Variants in NBEA observed in about 807,000 individuals in gnomAD.
The protein encoded by NBEA is lysosomal-trafficking regulator 2.
Under a neutral mutation model 343.4 loss-of-function variants are expected in NBEA, and 44 were observed. The observed-to-expected ratio is 0.13, with a 90% CI of 0.10 to 0.16. NBEA has a LOEUF of 0.16. NBEA is among the 10% of genes least tolerant of loss of function. The pLI is 1.00. For missense variants in NBEA, 2,555 were observed against 3,631.3 expected, an observed-to-expected ratio of 0.70 and a Z score of 7.62; for synonymous variants, 1,175 against 1,238.7, an observed-to-expected ratio of 0.95 and a Z score of 1.08.
intron 38 of NBEA, among the ~76,000 whole-genome samples, chr13:35,387,914 G>A (rs1209490101): frequency 6.6e-6 from 1 of 152,102 alleles, no homozygotes; most frequent in Non-Finnish European, 1.5e-5. Flanking sequence ...AGGAGATATA[G>A]TAATCATCAT....
intron 41 of NBEA, among the ~76,000 whole-genome samples, chr13:35,511,665 C>T (rs772008333): frequency 1.4e-4 from 22 of 152,114 alleles, no homozygotes; most frequent in South Asian, 4.1e-4. Context: ...GTCAAATATA[C>T]TGCTATTAGT....
intron 6 of NBEA, among the ~76,000 whole-genome samples, chr13:35,051,521 G>A (rs973688078): frequency 4.0e-5 from 6 of 151,800 alleles, no homozygotes; most frequent in African/African-American, 1.5e-4. Flanking sequence ...GTCAGTTATT[G>A]TCATTTCTGT....
At chr13:35,425,754 G>T (rs1177966882) in intron 38 of NBEA, among the ~76,000 whole-genome samples, 2 of 152,178 alleles carry the variant, frequency 1.3e-5, no homozygotes, top group East Asian at 1.9e-4. Flanking sequence ...GGGTGTGAAA[G>T]TCTCCCATTA....
chr13:35,653,272 T>C (rs1001554324), intron 53 of NBEA, among the ~76,000 whole-genome samples: 8 of 151,518 alleles, frequency 5.3e-5, no homozygotes, highest in African/African-American at 1.9e-4. Flanking sequence ...AAATTGAAAA[T>C]GCTACGAAAA....
At chr13:35,657,081 A>G (rs1415829609) in intron 55 of NBEA, among the ~76,000 whole-genome samples, 1 of 152,234 alleles carries the variant, frequency 6.6e-6, no homozygotes, top group South Asian at 2.1e-4. Flanking sequence ...AAAATAGGAA[A>G]TGGCTTTGGA....
intron 48 of NBEA, among the ~76,000 whole-genome samples, chr13:35,621,677 A>G (rs911273852): frequency 5.9e-5 from 9 of 152,154 alleles, no homozygotes; most frequent in African/African-American, 1.9e-4. Flanking sequence ...GAGTGAATGA[A>G]TGAGCTTCTT....
intron 36 of NBEA, among the ~76,000 whole-genome samples, chr13:35,313,760 A>C (rs1377696410): frequency 6.6e-6 from 1 of 152,134 alleles, no homozygotes; most frequent in Non-Finnish European, 1.5e-5. Context: ...TGAGAGAGGT[A>C]TTTTTTGAAA....
intron 41 of NBEA, among the ~76,000 whole-genome samples, chr13:35,504,534 T>C (rs1007085349): frequency 1.3e-5 from 2 of 152,186 alleles, no homozygotes; most frequent in Admixed American, 1.3e-4. Context: ...TGTTTTTGAG[T>C]ATGTAAAGAT....
At chr13:35,252,267 G>A (rs2032068057) in intron 34 of NBEA, among the ~76,000 whole-genome samples, 1 of 152,126 alleles carries the variant, frequency 6.6e-6, no homozygotes, top group Non-Finnish European at 1.5e-5. Flanking sequence ...GAAACCATCA[G>A]ATCTCATGAG....
intron 40 of NBEA, among the ~76,000 whole-genome samples, chr13:35,465,674 A>C (rs1397167628): frequency 6.6e-6 from 1 of 152,198 alleles, no homozygotes; most frequent in Non-Finnish European, 1.5e-5. Context: ...AAGGCAGAGC[A>C]AATTTTCACA....
intron 34 of NBEA, among the ~76,000 whole-genome samples, chr13:35,258,405 C>T (rs2032866288): frequency 1.3e-5 from 2 of 151,960 alleles, no homozygotes; most frequent in African/African-American, 4.8e-5. Flanking sequence ...ACCTCATGAT[C>T]CGCCTGCCTC....
At chr13:35,493,580 T>G (rs1033412961) in intron 41 of NBEA, among the ~76,000 whole-genome samples, 8 of 151,994 alleles carry the variant, frequency 5.3e-5, no homozygotes, top group African/African-American at 1.2e-4. Context: ...TACTTTACTC[T>G]TAAGTGTTTT....
chr13:35,099,198 GTT>G (rs760866538), intron 11 of NBEA, among the ~76,000 whole-genome samples: 4 of 113,862 alleles, frequency 3.5e-5, no homozygotes, highest in Admixed American at 9.9e-5. Flanking sequence ...CCTGGCTAAA[GTT>G]TTTTTTTTTT....
intron 28 of NBEA, among the ~76,000 whole-genome samples, chr13:35,178,857 A>C (rs1364829949): frequency 1.3e-5 from 2 of 151,578 alleles, no homozygotes; most frequent in South Asian, 2.1e-4. Context: ...CCATTTAGAA[A>C]TGGGAATAGT....
intron 45 of NBEA, among the ~76,000 whole-genome samples, chr13:35,581,571 A>G (rs1450152909): frequency 1.3e-5 from 2 of 151,972 alleles, no homozygotes; most frequent in Non-Finnish European, 2.9e-5. Context: ...TGATGAGTTC[A>G]TGTCCTTTGT....
intron 1 of NBEA, among the ~76,000 whole-genome samples, chr13:34,972,214 C>CTCA (rs2060021600): frequency 6.6e-6 from 1 of 151,834 alleles, no homozygotes; most frequent in South Asian, 2.1e-4. Context: ...TGAATCTTCT[C>CTCA]TCATTTCTTC....
At chr13:35,543,930 G>A (rs1016323624) in intron 41 of NBEA, among the ~76,000 whole-genome samples, 7 of 152,020 alleles carry the variant, frequency 4.6e-5, no homozygotes, top group East Asian at 3.9e-4. Flanking sequence ...TTTGTAGATC[G>A]ACTTTCCTTC....
At chr13:35,344,392 A>G (rs1253539394) in intron 36 of NBEA, among the ~76,000 whole-genome samples, 2 of 152,046 alleles carry the variant, frequency 1.3e-5, no homozygotes, top group African/African-American at 4.8e-5. Flanking sequence ...TTCACAAAGT[A>G]GAAGAAAGCT....
chr13:35,655,822 T>A, intron 55 of NBEA, 73 bp downstream of exon 55: 1 of 1,398,796 alleles, frequency 7.1e-7, no homozygotes, highest in Non-Finnish European at 9.7e-7. Flanking sequence ...TTGATTTTCC[T>A]AATAGTTTTT....
Sources: allele counts gnomAD v4.1 joint callset (sites outside exome capture counted in the v4.1 genomes callset), GRCh38; gene constraint gnomAD v4.1.1; transcripts MANE v1.5; gene names NCBI Gene and HGNC (gene_info 2026-07-23, HGNC 2026-07-21).